The following AKT3 variants were observed in gnomAD, a reference collection of about 807,000 sequenced individuals.
AKT3 encodes the protein RAC-gamma serine/threonine-protein kinase.
In AKT3, 15 loss-of-function variants were observed where a neutral mutation model predicts 65.3. That is an observed-to-expected ratio of 0.23 (90% CI 0.15 to 0.35). The LOEUF (loss-of-function observed/expected upper bound fraction) is 0.35. Among genes scored for constraint, AKT3 ranks in the 10% least tolerant of loss-of-function variants. The pLI, the probability that AKT3 is intolerant of heterozygous loss-of-function variation, is 1.00. For synonymous variants in AKT3, 206 were observed against 183.8 expected, an observed-to-expected ratio of 1.12 and a Z score of -0.98; for missense variants, 243 against 576.5, an observed-to-expected ratio of 0.42 and a Z score of 5.92.
At chr1:243,663,688 C>T (rs1682558411) in intron 4 of AKT3, among the ~76,000 whole-genome samples, 1 of 152,112 alleles carries the variant, frequency 6.6e-6, no homozygotes, top group Non-Finnish European at 1.5e-5. Context: ...TACCATTTTG[C>T]TTTTATTAAA....
intron 13 of AKT3, among the ~76,000 whole-genome samples, chr1:243,510,073 T>C (rs1374192713): frequency 1.3e-5 from 2 of 152,234 alleles, no homozygotes; most frequent in Non-Finnish European, 2.9e-5. Context: ...ATAACATATT[T>C]ACTTGCTCTA....
chr1:243,614,003 T>C (rs1678096744), intron 7 of AKT3, among the ~76,000 whole-genome samples: 1 of 152,202 alleles, frequency 6.6e-6, no homozygotes, highest in South Asian at 2.1e-4. Flanking sequence ...CAAGCACTTC[T>C]CAATCTAATT....
At chr1:243,732,236 GA>G (rs1187228970) in intron 2 of AKT3, among the ~76,000 whole-genome samples, 3 of 152,140 alleles carry the variant, frequency 2.0e-5, no homozygotes, top group Non-Finnish European at 4.4e-5. Context: ...GGACCAAACA[GA>G]AAAAGCTAAG....
At chr1:243,760,282 CTTTT>C (rs58733457) in intron 2 of AKT3, among the ~76,000 whole-genome samples, 41 of 80,912 alleles carry the variant, frequency 5.1e-4, no homozygotes, top group South Asian at 5.6e-4. Flanking sequence ...CTATATCTGG[CTTTT>C]TTTTTTTTTT....
chr1:243,797,913 C>T (rs1256834714), intron 2 of AKT3, among the ~76,000 whole-genome samples: 16 of 146,626 alleles, frequency 1.1e-4, no homozygotes, highest in Non-Finnish European at 1.5e-4. Flanking sequence ...GATGGAGTCT[C>T]ACTCTGTCAC....
rs561171086 is a variant in AKT3 at position 243,747,189 on chromosome 1, C to T, written c.47-51473G>A. ...CTATTATCTAAATAAACTTACTGTT[C>T]CTAGCACAACAAAGGAATATATTCC... On this transcript the variant is annotated intron_variant, in intron 2 of 13. Coordinates refer to ENST00000673466, the MANE Select transcript of AKT3 (RefSeq NM_005465.7). 8.6e-4 allele frequency among the ~76,000 whole-genome samples: 130 copies of T among 152,030 alleles called. 1 individual carries two copies. Among genetic ancestry groups the T allele is most frequent in the African/African-American group, 3.0e-3 (126 of 41,456 alleles).
chr1:243,584,595 T>C (rs552781309), intron 8 of AKT3, among the ~76,000 whole-genome samples: 1 of 152,270 alleles, frequency 6.6e-6, no homozygotes, highest in African/African-American at 2.4e-5. Flanking sequence ...TTCACCATGA[T>C]CAAGTAGGCA....
intron 2 of AKT3, among the ~76,000 whole-genome samples, chr1:243,800,703 T>A (rs756571405): frequency 6.7e-6 from 1 of 149,836 alleles, no homozygotes. Flanking sequence ...AGCGACAGAG[T>A]GAGACTCAGT....
At chr1:243,775,159 G>A (rs188603069) in intron 2 of AKT3, among the ~76,000 whole-genome samples, 39 of 152,104 alleles carry the variant, frequency 2.6e-4, no homozygotes, top group Middle Eastern at 3.4e-3. Context: ...TACCGCACCC[G>A]TCCTTGTTCC....
chr1:243,501,819 A>G lies in AKT3; in HGVS notation c.*3430T>C. The G allele has an allele frequency of 1.3e-5, 3 of 232,924 alleles. No individual in the cohort carries two copies. In the East Asian group the frequency reaches 1.8e-4, roughly 14 times the overall value. 14.4% of individuals were successfully genotyped at this position (232,924 alleles called of 1,614,324 possible). A position where few individuals can be genotyped will look rare whatever the true frequency, so the allele number is the denominator to read the frequency against. On this transcript the variant is annotated 3_prime_UTR_variant, in exon 14 of 14. Transcript: ENST00000673466. ...GTCTGTACGAAGGAAAATCATGTTC[A>G]TCCCTATCATATACGTGTAAAAATA...
At chr1:243,555,865 T>G (rs1363460634) in intron 10 of AKT3, among the ~76,000 whole-genome samples, 1 of 152,172 alleles carries the variant, frequency 6.6e-6, no homozygotes, top group African/African-American at 2.4e-5. Context: ...CCAACATTAC[T>G]GACTTGTAAA....
chr1:243,687,430 T>A (rs948433492), intron 3 of AKT3: 3 of 151,998 alleles, frequency 2.0e-5, no homozygotes, highest in Admixed American at 2.0e-4. Context: ...ATGAAGGAAC[T>A]ATTAAAATAG....
intron 2 of AKT3, among the ~76,000 whole-genome samples, chr1:243,768,164 T>A (rs886510100): frequency 1.3e-5 from 2 of 150,472 alleles, no homozygotes; most frequent in Non-Finnish European, 3.0e-5. Context: ...TACATATATA[T>A]AATATATATA....
intron 2 of AKT3, among the ~76,000 whole-genome samples, chr1:243,839,290 A>C (rs536883157): frequency 2.6e-5 from 4 of 152,300 alleles, no homozygotes; most frequent in African/African-American, 9.6e-5. Flanking sequence ...GCTGAAATCC[A>C]ATTTAGAGAT....
intron 5 of AKT3, among the ~76,000 whole-genome samples, 155 bp downstream of exon 5, chr1:243,645,735 AAAC>A (rs1271673452): frequency 1.3e-5 from 2 of 152,220 alleles, no homozygotes; most frequent in Admixed American, 6.5e-5. Flanking sequence ...ATTTGGTTTT[AAAC>A]AACAACAGGT....
At chr1:243,771,653 C>T (rs537658990) in intron 2 of AKT3, among the ~76,000 whole-genome samples, 1 of 152,216 alleles carries the variant, frequency 6.6e-6, no homozygotes, top group South Asian at 2.1e-4. Context: ...GTCATCTCTG[C>T]TAACAAGGCA....
At chr1:243,610,620 T>C (rs146473704) in intron 8 of AKT3, among the ~76,000 whole-genome samples, 14 of 152,342 alleles carry the variant, frequency 9.2e-5, no homozygotes, top group Non-Finnish European at 1.6e-4. Context: ...AGATAATACA[T>C]GTATGTGGCA....
chr1:243,777,202 T>C (rs1011058085), intron 2 of AKT3, among the ~76,000 whole-genome samples: 1 of 152,162 alleles, frequency 6.6e-6, no homozygotes, highest in Admixed American at 6.5e-5. Context: ...GCAAGTGCAT[T>C]ACATTTATCA....
At position 243,580,234 on chromosome 1, in the gene AKT3, G is replaced by A. The variant is rs545489896; in HGVS notation, c.697-7186C>T. Reference sequence around the variant, plus strand: ...ACAGCCCCACTGACGGCATCCAGCTGATAAAAGTTAAGTGAAGCCCCAGTG... The same window carrying A: ...ACAGCCCCACTGACGGCATCCAGCTAATAAAAGTTAAGTGAAGCCCCAGTG... On this transcript the variant is annotated intron_variant, in intron 8 of 13. Coordinates refer to ENST00000673466, the MANE Select transcript of AKT3 (RefSeq NM_005465.7). Among the ~76,000 whole-genome samples, 4 of 152,290 alleles carry A rather than the reference G, an allele frequency of 2.6e-5. No homozygotes were observed. In the East Asian group the frequency reaches 7.7e-4, roughly 29 times the overall value.
Sources: allele counts gnomAD v4.1 joint callset (sites outside exome capture counted in the v4.1 genomes callset), GRCh38; gene constraint gnomAD v4.1.1; transcripts MANE v1.5; gene names NCBI Gene and HGNC (gene_info 2026-07-23, HGNC 2026-07-21).